The following GARIN1A variants were observed in gnomAD, a reference collection of about 807,000 sequenced individuals.
GARIN1A encodes the protein golgi associated RAB2 interactor 1A, also known as Golgi-associated RAB2 interactor protein 1A.
chr7:128,703,070 A>G, the GARIN1A span, among the ~76,000 whole-genome samples: 2 of 152,242 alleles, frequency 1.3e-5, no homozygotes, highest in Non-Finnish European at 2.9e-5. Flanking sequence ...GAACAGAAAA[A>G]TAAAAGACAA....
At chr7:128,683,162 C>G in the GARIN1A span, 32 of 1,602,248 alleles carry the variant, frequency 2.0e-5, no homozygotes, top group Non-Finnish European at 2.5e-5. Flanking sequence ...GAGCCTGACA[C>G]CTAGGCAAAA....
the GARIN1A span, among the ~76,000 whole-genome samples, chr7:128,679,040 C>CGATTGTTACATATATACGTATGTAAA: frequency 6.7e-6 from 1 of 150,288 alleles, no homozygotes; most frequent in Admixed American, 6.6e-5. Context: ...ACGTATGTAA[C>CGATTGTTACATATATACGTATGTAAA]AATCGTTACA....
chr7:128,679,892 A>G, the GARIN1A span: 1 of 505,672 alleles, frequency 2.0e-6, no homozygotes. Flanking sequence ...CTCGGGACTT[A>G]ATGCTGAAGG....
the GARIN1A span, among the ~76,000 whole-genome samples, chr7:128,678,499 C>T: frequency 2.6e-5 from 4 of 152,090 alleles, no homozygotes; most frequent in African/African-American, 9.7e-5. Context: ...ATTATACTCT[C>T]ACCAATCATA....
At chr7:128,703,764 G>A in the GARIN1A span, among the ~76,000 whole-genome samples, 2 of 140,418 alleles carry the variant, frequency 1.4e-5, no homozygotes, top group African/African-American at 5.5e-5. Flanking sequence ...ATGACAGAGC[G>A]ACATCCTGTC....
At chr7:128,702,273 A>T in the GARIN1A span, among the ~76,000 whole-genome samples, 1 of 152,216 alleles carries the variant, frequency 6.6e-6, no homozygotes, top group Middle Eastern at 3.2e-3. Flanking sequence ...TCAATTTTTA[A>T]AAAAATTTTA....
chr7:128,678,555 A>G, the GARIN1A span, among the ~76,000 whole-genome samples: 3 of 152,014 alleles, frequency 2.0e-5, no homozygotes, highest in African/African-American at 4.8e-5. Context: ...TGTAATCCTA[A>G]CACTTTGGGA....
chr7:128,672,072 G>C, the GARIN1A span, among the ~76,000 whole-genome samples: 1,556 of 152,230 alleles, frequency 0.01, 26 homozygotes, highest in African/African-American at 0.036. Context: ...TTTTTTCCAT[G>C]TGGGGTAAGG....
chr7:128,707,739 A>G, the GARIN1A span, among the ~76,000 whole-genome samples: 8 of 152,142 alleles, frequency 5.3e-5, no homozygotes, highest in South Asian at 1.7e-3. Context: ...AGATGTGAGC[A>G]CCCTGCCCGG....
chr7:128,699,260 G>GCCCCCCCCCCCCCCCC, the GARIN1A span, among the ~76,000 whole-genome samples: 1 of 105,016 alleles, frequency 9.5e-6, no homozygotes. Flanking sequence ...CATACCTGCT[G>GCCCCCCCCCCCCCCCC]CCCCCCCCCC....
chr7:128,676,311 T>C, the GARIN1A span, among the ~76,000 whole-genome samples: 2 of 151,942 alleles, frequency 1.3e-5, no homozygotes, highest in Non-Finnish European at 2.9e-5. Context: ...CGCCTGACCT[T>C]ATTTATTTAG....
At chr7:128,694,418 A>G in the GARIN1A span, among the ~76,000 whole-genome samples, 6 of 152,088 alleles carry the variant, frequency 3.9e-5, no homozygotes, top group African/African-American at 1.2e-4. Flanking sequence ...CTGTAATCCC[A>G]ACTACTCGGG....
At chr7:128,705,499 T>C in the GARIN1A span, among the ~76,000 whole-genome samples, 44 of 152,200 alleles carry the variant, frequency 2.9e-4, no homozygotes, top group Non-Finnish European at 5.1e-4. Flanking sequence ...CACTTCCCCT[T>C]CTATAATTCA....
At chr7:128,686,888 AAT>A in the GARIN1A span, 18,367 of 146,768 alleles carry the variant, frequency 0.13, 1,191 homozygotes, top group East Asian at 0.19. Context: ...AAAAAAAAAA[AAT>A]ATATCTGACT....
At chr7:128,701,538 G>A in the GARIN1A span, among the ~76,000 whole-genome samples, 1 of 151,996 alleles carries the variant, frequency 6.6e-6, no homozygotes, top group Non-Finnish European at 1.5e-5. Flanking sequence ...GCTGGGATTG[G>A]ATCGCACAGT....
chr7:128,680,111 C>G, the GARIN1A span: 1 of 1,574,032 alleles, frequency 6.4e-7, no homozygotes. Context: ...GTGGCAGTTT[C>G]TCACAGCTCT....
the GARIN1A span, among the ~76,000 whole-genome samples, chr7:128,674,549 C>T: frequency 6.6e-6 from 1 of 152,228 alleles, no homozygotes; most frequent in Non-Finnish European, 1.5e-5. Flanking sequence ...CTCAAAGCAG[C>T]ATTACCCACA....
chr7:128,689,428 G>A, the GARIN1A span, among the ~76,000 whole-genome samples: 9 of 150,618 alleles, frequency 6.0e-5, no homozygotes, highest in East Asian at 2.0e-4. Flanking sequence ...TGTGAGGAGC[G>A]CCTCTGCCCG....
At chr7:128,677,436 G>A in the GARIN1A span, 412 of 1,051,110 alleles carry the variant, frequency 3.9e-4, 3 homozygotes, top group African/African-American at 6.3e-3. Context: ...GAACCCCGGG[G>A]GCAGAGCCTG....
Sources: allele counts gnomAD v4.1 joint callset (sites outside exome capture counted in the v4.1 genomes callset), GRCh38; gene constraint gnomAD v4.1.1; transcripts MANE v1.5; gene names NCBI Gene and HGNC (gene_info 2026-07-23, HGNC 2026-07-21).